TEX29: variants seen among roughly 807,000 people sequenced by gnomAD.
TEX29 encodes testis expressed 29.
Under a neutral mutation model 18.2 loss-of-function variants are expected in TEX29, and 26 were observed. The observed-to-expected ratio is 1.43, with a 90% CI of 1.04 to 1.98. The LOEUF (loss-of-function observed/expected upper bound fraction) is 1.98, where lower values mean the gene tolerates loss of function less well. TEX29 is among the 30% of genes most tolerant of loss of function. TEX29 has a pLI of 0.00. For missense variants in TEX29, 177 were observed against 194.2 expected (o/e 0.91, Z 0.53); for synonymous variants, 83 against 78.5 (o/e 1.06, Z -0.31).
At chr13:111,329,758 C>A (rs1055954202) in intron 3 of TEX29, among the ~76,000 whole-genome samples, 2 of 152,094 alleles carry the variant, frequency 1.3e-5, no homozygotes, top group African/African-American at 4.8e-5. Flanking sequence ...GGGAGGGGTG[C>A]TTCTACAAGG....
chr13:111,332,243 G>C (rs977620192), intron 3 of TEX29, among the ~76,000 whole-genome samples: 1 of 151,984 alleles, frequency 6.6e-6, no homozygotes, highest in Admixed American at 6.5e-5. Flanking sequence ...AGTTTTCAGT[G>C]TACTGATCTT....
At chr13:111,328,421 G>A (rs912592329) in intron 3 of TEX29, 128 bp downstream of exon 3, 7 of 671,146 alleles carry the variant, frequency 1.0e-5, no homozygotes, top group Non-Finnish European at 1.6e-5. Context: ...TTGTTCTCTG[G>A]CCAACTCTTC....
At chr13:111,339,453 C>A in intron 3 of TEX29, 1 of 428,634 alleles carries the variant, frequency 2.3e-6, no homozygotes, top group Non-Finnish European at 4.6e-6. Context: ...GGAGCCAGCG[C>A]CATCTCTCAG....
chr13:111,316,910 C>G (rs1390029091), upstream of TEX29, among the ~76,000 whole-genome samples: 1 of 152,130 alleles, frequency 6.6e-6, no homozygotes. Flanking sequence ...AAGGCACCTT[C>G]ACAAGGTGGT....
chr13:111,327,299 G>A (rs1301309853), intron 2 of TEX29, among the ~76,000 whole-genome samples: 2 of 152,228 alleles, frequency 1.3e-5, no homozygotes, highest in Non-Finnish European at 2.9e-5. Context: ...AGGGGAACCT[G>A]AAAGACTAAA....
chr13:111,342,331 C>G (rs1399620746), intron 4 of TEX29, among the ~76,000 whole-genome samples: 2 of 152,128 alleles, frequency 1.3e-5, no homozygotes, highest in Non-Finnish European at 2.9e-5. Context: ...ACACACCTTC[C>G]CCCTGCCCGG....
upstream of TEX29, among the ~76,000 whole-genome samples, chr13:111,318,865 C>T (rs2093659008): frequency 1.3e-5 from 2 of 152,194 alleles, no homozygotes; most frequent in Admixed American, 1.3e-4. Flanking sequence ...ACAAAAATGC[C>T]ACAGCCTGGG....
At chr13:111,322,008 A>G (rs945067820) in intron 2 of TEX29, among the ~76,000 whole-genome samples, 1 of 152,262 alleles carries the variant, frequency 6.6e-6, no homozygotes, top group Non-Finnish European at 1.5e-5. Flanking sequence ...AAGGTAGGCT[A>G]GGGAGCACCT....
chr13:111,326,016 G>A (rs796314339), intron 2 of TEX29, among the ~76,000 whole-genome samples: 3 of 152,330 alleles, frequency 2.0e-5, no homozygotes, highest in African/African-American at 7.2e-5. Context: ...GTCTGGGGAC[G>A]GTGGGGAGGG....
chr13:111,319,684 G>A (rs1032723710), upstream of TEX29, among the ~76,000 whole-genome samples: 5 of 152,178 alleles, frequency 3.3e-5, no homozygotes, highest in African/African-American at 1.2e-4. Flanking sequence ...CTGGGGTGCA[G>A]TGGTGCAATC....
intron 4 of TEX29, among the ~76,000 whole-genome samples, chr13:111,342,522 T>G (rs1163385592): frequency 7.9e-6 from 1 of 126,268 alleles, no homozygotes; most frequent in Non-Finnish European, 1.6e-5. Context: ...TTTGTGCCAT[T>G]GCACTCCAGC....
intron 4 of TEX29, among the ~76,000 whole-genome samples, chr13:111,341,868 G>A (rs2250707): frequency 0.31 from 46,592 of 152,144 alleles, 7,565 homozygotes; most frequent in African/African-American, 0.38. Context: ...TACTGTCCCC[G>A]GACTGGGATG....
chr13:111,317,634 G>A (rs7335840), upstream of TEX29, among the ~76,000 whole-genome samples: 18,267 of 152,282 alleles, frequency 0.12, 1,116 homozygotes, highest in South Asian at 0.18. Context: ...CAACACGGGC[G>A]TGTTTGCTTC....
intron 4 of TEX29, among the ~76,000 whole-genome samples, chr13:111,341,880 T>C (rs749960366): frequency 1.4e-4 from 21 of 152,208 alleles, no homozygotes; most frequent in Non-Finnish European, 2.6e-4. Context: ...ACTGGGATGA[T>C]TGACGCAGCA....
At chr13:111,325,704 A>C (rs1218464835) in intron 2 of TEX29, among the ~76,000 whole-genome samples, 1 of 152,136 alleles carries the variant, frequency 6.6e-6, no homozygotes, top group Non-Finnish European at 1.5e-5. Context: ...GTGGGTGTGG[A>C]GGGAAAATGG....
At chr13:111,333,364 G>A (rs2093685273) in intron 3 of TEX29, among the ~76,000 whole-genome samples, 1 of 152,026 alleles carries the variant, frequency 6.6e-6, no homozygotes, top group African/African-American at 2.4e-5. Flanking sequence ...AGACTTTATG[G>A]TATCCCACAG....
chr13:111,324,663 A>G (rs183743735), intron 2 of TEX29, among the ~76,000 whole-genome samples: 1 of 152,310 alleles, frequency 6.6e-6, no homozygotes, highest in African/African-American at 2.4e-5. Context: ...GAGAAACGCC[A>G]GGGAATCGTC....
chr13:111,343,422 G>A (rs890233092), intron 5 of TEX29, among the ~76,000 whole-genome samples: 3 of 151,796 alleles, frequency 2.0e-5, no homozygotes, highest in Non-Finnish European at 4.4e-5. Context: ...GTGGATGTGC[G>A]GGGAGGCTGC....
intron 5 of TEX29, among the ~76,000 whole-genome samples, 162 bp downstream of exon 5, chr13:111,343,093 G>T (rs915350206): frequency 2.0e-5 from 3 of 152,194 alleles, no homozygotes; most frequent in Non-Finnish European, 2.9e-5. Flanking sequence ...AACATTGGAG[G>T]TTCAGGTTTG....
Sources: allele counts gnomAD v4.1 joint callset (sites outside exome capture counted in the v4.1 genomes callset), GRCh38; gene constraint gnomAD v4.1.1; transcripts MANE v1.5; gene names NCBI Gene and HGNC (gene_info 2026-07-23, HGNC 2026-07-21).